SLC35F4: variants seen among roughly 807,000 people sequenced by gnomAD.
SLC35F4 encodes chromosome 14 open reading frame 36.
A neutral mutation model predicts 44.2 loss-of-function variants in SLC35F4; 24 were observed. The observed-to-expected ratio is 0.54, with a 90% CI of 0.39 to 0.76. The LOEUF is 0.76. Among genes scored for constraint, SLC35F4 ranks in the 30% least tolerant of loss-of-function variants. The pLI is 0.00. For synonymous variants in SLC35F4, 238 were observed against 223.6 expected (o/e 1.06, Z -0.57); for missense variants, 562 against 586.1 (o/e 0.96, Z 0.42).
chr14:57,585,222 C>T (rs930460273), intron 3 of SLC35F4, among the ~76,000 whole-genome samples: 2 of 152,162 alleles, frequency 1.3e-5, no homozygotes, highest in African/African-American at 4.8e-5. Context: ...AATCCCAGCA[C>T]TTTGGGAGGC....
chr14:57,925,515 G>GAGGGAGGGAGGGAGGAAGGAAGGAAGGA (rs1889545491), intron 1 of SLC35F4, among the ~76,000 whole-genome samples: 1 of 63,604 alleles, frequency 1.6e-5, no homozygotes, highest in African/African-American at 6.5e-5. Flanking sequence ...GGGAGGGAGG[G>GAGGGAGGGAGGGAGGAAGGAAGGAAGGA]AGGGAGGGAG....
At chr14:57,926,286 G>T (rs1214635492) in intron 1 of SLC35F4, among the ~76,000 whole-genome samples, 2 of 152,188 alleles carry the variant, frequency 1.3e-5, no homozygotes, top group East Asian at 3.8e-4. Flanking sequence ...AATGTTTGCT[G>T]TGGCAGGGCT....
At chr14:57,820,753 G>A (rs1258943356) in intron 1 of SLC35F4, among the ~76,000 whole-genome samples, 1 of 152,160 alleles carries the variant, frequency 6.6e-6, no homozygotes, top group Non-Finnish European at 1.5e-5. Context: ...TATTTTTAGT[G>A]TCAGATCTCA....
At chr14:57,804,257 T>C (rs1208510805) in intron 1 of SLC35F4, among the ~76,000 whole-genome samples, 3 of 152,096 alleles carry the variant, frequency 2.0e-5, no homozygotes, top group African/African-American at 7.2e-5. Context: ...TTCACATAAG[T>C]ACAAAAAAAC....
At chr14:57,836,483 G>A (rs1884939051) in intron 1 of SLC35F4, among the ~76,000 whole-genome samples, 1 of 152,012 alleles carries the variant, frequency 6.6e-6, no homozygotes. Context: ...AGTAGAAACG[G>A]GGTTTCACCA....
chr14:57,875,902 T>A (rs888773701), intron 1 of SLC35F4, among the ~76,000 whole-genome samples: 1 of 152,236 alleles, frequency 6.6e-6, no homozygotes, highest in Non-Finnish European at 1.5e-5. Flanking sequence ...AGAGACTTGA[T>A]GAGAATGTCC....
intron 1 of SLC35F4, among the ~76,000 whole-genome samples, chr14:57,942,340 T>C (rs1368316377): frequency 1.3e-5 from 2 of 152,206 alleles, no homozygotes; most frequent in South Asian, 2.1e-4. Context: ...TTGACTCTTA[T>C]ACCTAGGCCC....
intron 1 of SLC35F4, chr14:57,596,851 C>A (rs774897930): frequency 7.3e-7 from 1 of 1,367,696 alleles, no homozygotes; most frequent in South Asian, 1.1e-5. Context: ...TGCCAGCTGC[C>A]TCCCACTGGT....
intron 1 of SLC35F4, among the ~76,000 whole-genome samples, chr14:57,743,806 C>T (rs1381274922): frequency 6.6e-6 from 1 of 152,196 alleles, no homozygotes; most frequent in African/African-American, 2.4e-5. Flanking sequence ...CCCTGATGAA[C>T]ATCGATGCAA....
intron 1 of SLC35F4, among the ~76,000 whole-genome samples, chr14:57,786,965 CA>C (rs2077778301): frequency 6.6e-6 from 1 of 152,112 alleles, no homozygotes; most frequent in Non-Finnish European, 1.5e-5. Context: ...TTAAGCTAAT[CA>C]GGGAGGCACC....
chr14:57,811,214 G>A (rs1049266490), intron 1 of SLC35F4, among the ~76,000 whole-genome samples: 1 of 152,144 alleles, frequency 6.6e-6, no homozygotes, highest in Non-Finnish European at 1.5e-5. Context: ...GGGCACCAAA[G>A]TTTAGAAAGG....
At chr14:57,720,978 TC>T (rs2076070442) in intron 1 of SLC35F4, among the ~76,000 whole-genome samples, 1 of 27,636 alleles carries the variant, frequency 3.6e-5, no homozygotes, top group South Asian at 2.4e-3. Flanking sequence ...AATAAACTCC[TC>T]ATATATATAT....
intron 1 of SLC35F4, among the ~76,000 whole-genome samples, chr14:57,959,150 T>C (rs1441739454): frequency 1.3e-5 from 2 of 152,210 alleles, no homozygotes; most frequent in African/African-American, 4.8e-5. Context: ...GTGTGAACAA[T>C]ACTTTCATAT....
chr14:57,957,951 T>G (rs1021172282), intron 1 of SLC35F4, among the ~76,000 whole-genome samples: 4 of 152,220 alleles, frequency 2.6e-5, no homozygotes, highest in Non-Finnish European at 1.5e-5. Context: ...GAATTCAGTG[T>G]TTGCTGTGAC....
At chr14:57,692,886 T>C (rs1055278363) in intron 1 of SLC35F4, among the ~76,000 whole-genome samples, 18 of 152,188 alleles carry the variant, frequency 1.2e-4, no homozygotes, top group Non-Finnish European at 2.5e-4. Context: ...GCTAGTGTCC[T>C]AAAAAGTCAC....
intron 1 of SLC35F4, among the ~76,000 whole-genome samples, chr14:57,716,522 G>A (rs2075948730): frequency 6.6e-6 from 1 of 151,974 alleles, no homozygotes; most frequent in African/African-American, 2.4e-5. Flanking sequence ...AATTTTTCTG[G>A]TCTAAACTGT....
chr14:57,602,949 T>C (rs2070916664), intron 1 of SLC35F4, among the ~76,000 whole-genome samples: 1 of 152,168 alleles, frequency 6.6e-6, no homozygotes, highest in African/African-American at 2.4e-5. Context: ...CATGTCTTAT[T>C]AAGTCTAAAG....
intron 1 of SLC35F4, among the ~76,000 whole-genome samples, chr14:57,874,224 C>T (rs73294854): frequency 0.013 from 1,997 of 152,206 alleles, 36 homozygotes; most frequent in African/African-American, 0.045. Context: ...CCCCATCCTC[C>T]TTCCTGGAGG....
intron 1 of SLC35F4, among the ~76,000 whole-genome samples, chr14:57,775,142 GT>G (rs1389622448): frequency 6.6e-6 from 1 of 152,194 alleles, no homozygotes; most frequent in Non-Finnish European, 1.5e-5. Flanking sequence ...CCCCACCCCT[GT>G]GCTAACACCA....
Sources: gnomAD v4.1 joint callset for allele counts (sites outside exome capture counted in the v4.1 genomes callset) on GRCh38, gnomAD v4.1.1 for gene constraint, MANE v1.5 for transcripts, NCBI Gene and HGNC (gene_info 2026-07-23, HGNC 2026-07-21) for gene names.